Variants in PPP1R21 observed in about 807,000 individuals in gnomAD.
The protein encoded by PPP1R21 is KLRAQ motif containing 1.
In PPP1R21, 85 loss-of-function variants were observed where a neutral mutation model predicts 112.8. The ratio of observed to expected loss-of-function variants is 0.75; its 90% CI spans 0.63 to 0.90. The LOEUF (loss-of-function observed/expected upper bound fraction) is 0.90. PPP1R21 is among the 40% of genes least tolerant of loss of function. PPP1R21 has a pLI of 0.00. For synonymous variants in PPP1R21, 381 were observed against 322.3 expected (o/e 1.18, Z -1.95); for missense variants, 1,199 against 901.5 (o/e 1.33, Z -4.23).
At chr2:48,443,127 G>A (rs976909468) in intron 1 of PPP1R21, among the ~76,000 whole-genome samples, 5 of 152,056 alleles carry the variant, frequency 3.3e-5, no homozygotes, top group African/African-American at 1.2e-4. Context: ...TTTTTTGAGT[G>A]CCTGCTGTGT....
At chr2:48,508,743 T>C (rs1280013051) in intron 19 of PPP1R21, among the ~76,000 whole-genome samples, 1 of 152,222 alleles carries the variant, frequency 6.6e-6, no homozygotes, top group Admixed American at 6.5e-5. Context: ...AATAGATGTT[T>C]GGTTAATAGG....
intron 7 of PPP1R21, among the ~76,000 whole-genome samples, chr2:48,462,515 A>G (rs1360348831): frequency 6.6e-6 from 1 of 152,154 alleles, no homozygotes; most frequent in Admixed American, 6.5e-5. Flanking sequence ...TATTGGGCAG[A>G]GATAAGGGTA....
Position 48,458,199 on chromosome 2 carries a change from T to C in PPP1R21, c.347T>C (p.Ile116Thr), listed in dbSNP as rs368713088. The stretch of plus-strand genomic sequence containing the variant: ...TTTGATGAAGATCTGCAAAAGAAGA[T>C]AGAAGAGAATGAACGGTTGCATATA... ...SVFDEDLQKK[I>T]EENERLHIQF... The change falls in exon 4 of 22, where the codon ATA becomes ACA. Residue 116 changes from isoleucine (I) to threonine (T), a missense_variant. Physicochemically the swap from Ile to Thr is moderately conservative, Grantham distance 89. Transcript: ENST00000294952. The C allele has an allele frequency of 5.6e-6, 9 of 1,611,554 alleles. No homozygotes were observed. Among genetic ancestry groups the C allele is most frequent in the Non-Finnish European group, 7.6e-6 (9 of 1,178,304 alleles).
intron 9 of PPP1R21, among the ~76,000 whole-genome samples, chr2:48,468,217 T>C (rs1668288716): frequency 6.6e-6 from 1 of 152,208 alleles, no homozygotes; most frequent in African/African-American, 2.4e-5. Context: ...TTCAATAAGA[T>C]AATACATGTA....
intron 13 of PPP1R21, among the ~76,000 whole-genome samples, chr2:48,481,658 C>T (rs1669017292): frequency 6.6e-6 from 1 of 152,262 alleles, no homozygotes; most frequent in East Asian, 1.9e-4. Flanking sequence ...GGGAAGATCA[C>T]TTGAGCCCAA....
chr2:48,454,773 C>G, intron 3 of PPP1R21, 32 bp downstream of exon 3: 2 of 1,572,692 alleles, frequency 1.3e-6, no homozygotes, highest in South Asian at 2.2e-5. Flanking sequence ...TTAGTGTGAC[C>G]TTGTCGTTAG....
chr2:48,445,780 A>T (rs1245446751), intron 1 of PPP1R21, among the ~76,000 whole-genome samples: 1 of 152,094 alleles, frequency 6.6e-6, no homozygotes, highest in Non-Finnish European at 1.5e-5. Flanking sequence ...GTGACAAAGT[A>T]ACCCTAGCTA....
At position 48,460,105 on chromosome 2, in the gene PPP1R21, A is replaced by G; in HGVS notation, c.551A>G (p.Gln184Arg). The change falls in exon 6 of 22, where the codon CAG becomes CGG. Residue 184 changes from glutamine to arginine, a missense_variant. By Grantham distance (43) the Gln-to-Arg change is conservative. Coordinates refer to ENST00000294952, the MANE Select transcript of PPP1R21 (RefSeq NM_001135629.3). ...NDKAKLEVKS[Q>R]TLEKEAKECR... ...TCTTCTGAAATTCAGGTGAAATCTC[A>G]GACTCTAGAAAAGGAAGCCAAGGAA... 6.2e-6 allele frequency: 10 copies of G among 1,614,110 alleles called. No homozygotes were observed. Among genetic ancestry groups the G allele is most frequent in the Non-Finnish European group, 8.5e-6 (10 of 1,180,002 alleles).
chr2:48,476,379 C>A (rs940403897), intron 12 of PPP1R21, among the ~76,000 whole-genome samples: 3 of 152,256 alleles, frequency 2.0e-5, no homozygotes, highest in Non-Finnish European at 4.4e-5. Flanking sequence ...TTGTTTCTAC[C>A]TTTTGGCTAT....
intron 1 of PPP1R21, 123 bp downstream of exon 1, chr2:48,441,133 C>T (rs1667008701): frequency 7.1e-6 from 5 of 707,774 alleles, no homozygotes; most frequent in Admixed American, 4.7e-5. Flanking sequence ...CACCTTTCCC[C>T]TCAGCCGTCT....
intron 18 of PPP1R21, 59 bp from the exon 19 acceptor site, chr2:48,507,210 C>G: frequency 1.9e-4 from 145 of 773,404 alleles, no homozygotes; most frequent in East Asian, 2.4e-4. Context: ...TTTTTTTTTT[C>G]TAGAAATGCT....
chr2:48,499,134 G>GC (rs1330790360), intron 17 of PPP1R21, among the ~76,000 whole-genome samples: 1 of 148,674 alleles, frequency 6.7e-6, no homozygotes, highest in Non-Finnish European at 1.5e-5. Flanking sequence ...ATTGGGGGTG[G>GC]GGGGGGACAC....
At chr2:48,478,014 C>G (rs1172225894) in intron 12 of PPP1R21, among the ~76,000 whole-genome samples, 1 of 152,114 alleles carries the variant, frequency 6.6e-6, no homozygotes, top group Admixed American at 6.5e-5. Context: ...CAGAGACACA[C>G]AGAATCTGGA....
Position 48,495,803 on chromosome 2 carries a change from A to G in PPP1R21, c.1692+32A>G. On this transcript the variant is annotated intron_variant, in intron 16 of 21. Coordinates refer to ENST00000294952, the MANE Select transcript of PPP1R21 (RefSeq NM_001135629.3). ...CACTGGGAAAATTATGGAAATTGTT[A>G]AAGAACAGAAATGTTAAATCCCCCA... is the stretch of plus-strand genomic sequence containing the variant. 4 of 1,233,996 alleles carry G rather than the reference A, an allele frequency of 3.2e-6. No individual in the cohort carries two copies. In the South Asian group the frequency reaches 3.6e-5, roughly 11 times the overall value. 76.4% of individuals were successfully genotyped at this position (1,233,996 alleles called of 1,614,324 possible).
At chr2:48,463,583 A>G (rs1383924118) in intron 7 of PPP1R21, among the ~76,000 whole-genome samples, 2 of 152,258 alleles carry the variant, frequency 1.3e-5, no homozygotes, top group East Asian at 1.9e-4. Flanking sequence ...ACAGACGGGC[A>G]AAGTGAAAGA....
chr2:48,500,097 A>G (rs1283341517), intron 17 of PPP1R21, among the ~76,000 whole-genome samples: 1 of 152,230 alleles, frequency 6.6e-6, no homozygotes, highest in Non-Finnish European at 1.5e-5. Flanking sequence ...CATTCAGAGC[A>G]TACCTGCTAG....
chr2:48,476,516 G>A (rs1050308637), intron 12 of PPP1R21, among the ~76,000 whole-genome samples: 3 of 152,184 alleles, frequency 2.0e-5, no homozygotes, highest in Non-Finnish European at 2.9e-5. Flanking sequence ...AACTGTTTGA[G>A]GAGCTGCTGG....
At position 48,486,693 on chromosome 2, in the gene PPP1R21, A is replaced by G. The variant is rs1669316428; in HGVS notation, c.1381A>G (p.Lys461Glu). Residue 461 changes from lysine (K) to glutamate (E), a missense_variant, in exon 14 of 22, where the codon AAG (lysine) becomes GAG (glutamate). Lys to Glu is a moderately conservative substitution (Grantham distance 56). Coordinates refer to ENST00000294952, the MANE Select transcript of PPP1R21 (RefSeq NM_001135629.3). ...GCATGAACTTCCAACAGCAACACAG[A>G]AGCTGATAACAACTAATGACTGTAT... ...IEHELPTATQKLITTNDCILS... is the reference protein window; with the variant it reads ...IEHELPTATQELITTNDCILS... The G allele has an allele frequency of 1.9e-6, 3 of 1,613,794 alleles. No homozygotes were observed. Among genetic ancestry groups the G allele is most frequent in the Non-Finnish European group, 2.5e-6 (3 of 1,179,800 alleles).
At chr2:48,459,623 C>G (rs1667888216) in intron 4 of PPP1R21, 131 bp from the exon 5 acceptor site, 7 of 899,242 alleles carry the variant, frequency 7.8e-6, no homozygotes, top group Middle Eastern at 7.1e-4. Flanking sequence ...TGAGATAATG[C>G]CTGTGTGGGT....
Sources: allele counts gnomAD v4.1 joint callset (sites outside exome capture counted in the v4.1 genomes callset), GRCh38; gene constraint gnomAD v4.1.1; transcripts MANE v1.5; gene names NCBI Gene and HGNC (gene_info 2026-07-23, HGNC 2026-07-21).